PMS1: variants seen among roughly 807,000 people sequenced by gnomAD.
PMS1 encodes the protein PMS1 homolog 1, mismatch repair system component.
In PMS1, 79 loss-of-function variants were observed where a neutral mutation model predicts 93.1. That is an observed-to-expected ratio of 0.85 (90% CI 0.71 to 1.02). The LOEUF is 1.02. PMS1 is among the 50% of genes least tolerant of loss of function. PMS1 has a pLI of 0.00. For synonymous variants in PMS1, 335 were observed against 363.4 expected, an observed-to-expected ratio of 0.92 and a Z score of 0.89; for missense variants, 1,064 against 1,085.3, an observed-to-expected ratio of 0.98 and a Z score of 0.28.
At chr2:189,838,825 C>T (rs1367479165) in intron 5 of PMS1, among the ~76,000 whole-genome samples, 3 of 152,160 alleles carry the variant, frequency 2.0e-5, no homozygotes, top group Non-Finnish European at 4.4e-5. Context: ...TTCCACCGAA[C>T]TTTTGCAAGA....
chr2:189,867,728 A>T (rs961941801), intron 10 of PMS1, 71 bp from the exon 11 acceptor site: 3 of 1,102,010 alleles, frequency 2.7e-6, no homozygotes. Flanking sequence ...GGGCCCTAGG[A>T]TTAACTTTTT....
At chr2:189,790,668 T>G (rs972356445) in intron 1 of PMS1, among the ~76,000 whole-genome samples, 1 of 152,236 alleles carries the variant, frequency 6.6e-6, no homozygotes, top group Admixed American at 6.5e-5. Context: ...ATCCTATATG[T>G]AAAGTGTTTA....
At chr2:189,825,351 C>T (rs2052338108) in intron 5 of PMS1, among the ~76,000 whole-genome samples, 1 of 152,126 alleles carries the variant, frequency 6.6e-6, no homozygotes, top group African/African-American at 2.4e-5. Flanking sequence ...CTTAGATGAG[C>T]ACTACAGAAG....
At position 189,854,969 on chromosome 2, in the gene PMS1, T is replaced by C; in HGVS notation, c.1697T>C (p.Leu566Pro). 1 of 1,613,088 alleles carries C rather than the reference T, an allele frequency of 6.2e-7. No homozygotes were observed. The highest frequency in any genetic ancestry group is 8.5e-7 in the Non-Finnish European group (1 of 1,179,140). The stretch of plus-strand genomic sequence containing the variant: ...GGAAAAGTTACAGCTTATGATTTAC[T>C]TAGCAATCGAGTAATCAAGAAACCC... ...KSGKVTAYDL[L>P]SNRVIKKPMS... The change falls in exon 9 of 13, where the codon CTT becomes CCT. Residue 566 changes from leucine to proline, a missense_variant. Coordinates refer to ENST00000441310, the MANE Select transcript of PMS1 (RefSeq NM_000534.5).
chr2:189,828,097 GT>G (rs200341306), intron 5 of PMS1, among the ~76,000 whole-genome samples: 17,870 of 151,346 alleles, frequency 0.12, 1,468 homozygotes, highest in African/African-American at 0.24. Flanking sequence ...CTAATTTTTT[GT>G]TTTTTTTAGT....
At chr2:189,787,006 TTG>T (rs2048409416) in intron 1 of PMS1, among the ~76,000 whole-genome samples, 1 of 152,102 alleles carries the variant, frequency 6.6e-6, no homozygotes, top group Admixed American at 6.5e-5. Context: ...TGAGCGGAGA[TTG>T]TGCCATTGCA....
chr2:189,829,180 A>T (rs2052708279), intron 5 of PMS1, among the ~76,000 whole-genome samples: 1 of 152,192 alleles, frequency 6.6e-6, no homozygotes, highest in Non-Finnish European at 1.5e-5. Context: ...AGTACTGAGT[A>T]GGTGCTTTGG....
At chr2:189,837,220 G>A (rs1392152794) in intron 5 of PMS1, among the ~76,000 whole-genome samples, 2 of 151,092 alleles carry the variant, frequency 1.3e-5, no homozygotes, top group East Asian at 3.9e-4. Flanking sequence ...AAGCTGGAGT[G>A]CAGGGTGAGC....
intron 5 of PMS1, among the ~76,000 whole-genome samples, chr2:189,829,066 A>T (rs2052696184): frequency 6.6e-6 from 1 of 152,144 alleles, no homozygotes; most frequent in Non-Finnish European, 1.5e-5. Context: ...CCAATGACTT[A>T]AACATTGAAT....
At chr2:189,867,265 A>G (rs1352290924) in intron 10 of PMS1, among the ~76,000 whole-genome samples, 1 of 152,186 alleles carries the variant, frequency 6.6e-6, no homozygotes, top group East Asian at 1.9e-4. Context: ...GGCTTCCTCA[A>G]GTTTTTGCAC....
intron 1 of PMS1, among the ~76,000 whole-genome samples, chr2:189,790,091 G>C (rs1320649841): frequency 6.6e-6 from 1 of 152,156 alleles, no homozygotes; most frequent in Non-Finnish European, 1.5e-5. Flanking sequence ...TATTGGCTTT[G>C]AGGAGCCACA....
chr2:189,863,944 T>G lies in PMS1; in HGVS notation c.2058T>G (p.Ile686Met), dbSNP rs587778614. 6.2e-6 allele frequency: 10 copies of G among 1,609,852 alleles called. No homozygotes were observed. The highest frequency in any genetic ancestry group is 7.6e-6 in the Non-Finnish European group (9 of 1,177,968). Residue 686 changes from isoleucine to methionine, a missense_variant, in exon 10 of 13, where the codon ATT (isoleucine) becomes ATG (methionine). Transcript: ENST00000441310. ...TTGATGAACTCCTTCAGTCCCAAAT[T>G]GAAAAAAGAAGGAGTCAAAATATTA... ...PKLDELLQSQIEKRRSQNIKM... is the reference protein window; with the variant it reads ...PKLDELLQSQMEKRRSQNIKM...
chr2:189,807,747 C>G (rs1265198393), intron 4 of PMS1, among the ~76,000 whole-genome samples: 1 of 152,116 alleles, frequency 6.6e-6, no homozygotes, highest in Non-Finnish European at 1.5e-5. Flanking sequence ...TAAGTGAGAC[C>G]AGGTATGCAT....
chr2:189,848,590 A>G (rs554296396), intron 6 of PMS1, among the ~76,000 whole-genome samples: 23 of 152,284 alleles, frequency 1.5e-4, no homozygotes, highest in African/African-American at 5.3e-4. Context: ...CTAGTAATCC[A>G]TCATAGATAT....
chr2:189,848,646 T>C (rs1221879108), intron 6 of PMS1, among the ~76,000 whole-genome samples: 1 of 152,170 alleles, frequency 6.6e-6, no homozygotes, highest in Non-Finnish European at 1.5e-5. Context: ...TCATGGTGGA[T>C]TGAGGGAATT....
intron 5 of PMS1, among the ~76,000 whole-genome samples, chr2:189,833,211 C>T (rs190889845): frequency 5.9e-5 from 9 of 152,250 alleles, no homozygotes; most frequent in Non-Finnish European, 8.8e-5. Context: ...GTTGCAGTGA[C>T]CTATATTTAA....
chr2:189,793,234 C>T (rs1293249708), intron 2 of PMS1, among the ~76,000 whole-genome samples: 1 of 152,208 alleles, frequency 6.6e-6, no homozygotes, highest in Non-Finnish European at 1.5e-5. Flanking sequence ...TTGATCTTCT[C>T]TCTGTGCCAG....
At position 189,855,036 on chromosome 2, in the gene PMS1, G is replaced by A; in HGVS notation, c.1764G>A (p.Gln588=). 3.7e-6 allele frequency: 6 copies of A among 1,613,114 alleles called. No homozygotes were observed. The highest frequency in any genetic ancestry group is 5.1e-6 in the Non-Finnish European group (6 of 1,179,216). ...TTTTTGTTCAAGATCATCGTCCTCA[G>A]TTTCTCATAGAAAATCCTAAGACTA... ...SALFVQDHRP[Q]FLIENPKTSL... The change falls in exon 9 of 13, where the codon CAG becomes CAA. Residue 588 remains glutamine (Q), a synonymous_variant. Coordinates refer to ENST00000441310, the MANE Select transcript of PMS1 (RefSeq NM_000534.5).
intron 3 of PMS1, among the ~76,000 whole-genome samples, chr2:189,799,742 C>A (rs1393500051): frequency 6.6e-6 from 1 of 152,226 alleles, no homozygotes; most frequent in Non-Finnish European, 1.5e-5. Context: ...GAGTCTCCAT[C>A]TGGAGCTTGC....
Sources: allele counts gnomAD v4.1 joint callset (sites outside exome capture counted in the v4.1 genomes callset), GRCh38; gene constraint gnomAD v4.1.1; transcripts MANE v1.5; gene names NCBI Gene and HGNC (gene_info 2026-07-23, HGNC 2026-07-21).